The following APBA1 variants were observed in gnomAD, a reference collection of about 807,000 sequenced individuals.
APBA1 encodes the protein amyloid-beta A4 precursor protein-binding family A member 1.
APBA1 carries 55 observed loss-of-function variants against 86.6 expected under a neutral mutation model. That is an observed-to-expected ratio of 0.64 (90% confidence interval 0.51 to 0.80). The LOEUF is 0.80. Ranked by LOEUF, APBA1 falls within the 30% of genes least tolerant of loss-of-function variation. The pLI, the probability that APBA1 is intolerant of heterozygous loss-of-function variation, is 0.00. For missense variants in APBA1, 1,090 were observed against 1,183.0 expected (o/e 0.92, Z 1.15); for synonymous variants, 511 against 493.9 (o/e 1.03, Z -0.46).
intron 1 of APBA1, among the ~76,000 whole-genome samples, chr9:69,648,926 C>T (rs962802583): frequency 2.4e-4 from 36 of 152,168 alleles, no homozygotes; most frequent in African/African-American, 8.2e-4. Flanking sequence ...CGCTCCCAAA[C>T]GAGTCATTGT....
In APBA1 at chr9:69,467,927, T is replaced by A; in HGVS notation, c.1378A>T (p.Ile460Phe). 3.7e-6 allele frequency: 6 copies of A among 1,614,158 alleles called. No homozygotes were observed. The highest frequency in any genetic ancestry group is 5.1e-6 in the Non-Finnish European group (6 of 1,180,038). Residue 460 changes from isoleucine to phenylalanine, a missense_variant, in exon 5 of 13, where the codon ATT (isoleucine) becomes TTT (phenylalanine). Coordinates refer to ENST00000265381, the MANE Select transcript of APBA1 (RefSeq NM_001163.4). ...CDPEDLIDGIIFAANYLGSTQ... is the reference protein window; with the variant it reads ...CDPEDLIDGIFFAANYLGSTQ... ...GAGCCAAGGTAATTGGCGGCAAAAATGATTCCATCGATCAAGTCTTCGGGG... is the reference window on the plus strand; with the variant it reads ...GAGCCAAGGTAATTGGCGGCAAAAAAGATTCCATCGATCAAGTCTTCGGGG...
intron 1 of APBA1, among the ~76,000 whole-genome samples, chr9:69,666,125 T>C (rs930390255): frequency 6.6e-6 from 1 of 152,242 alleles, no homozygotes. Context: ...TACAGCCTTA[T>C]GGGCAAACAA....
At chr9:69,460,646 T>G (rs1835176180) in intron 5 of APBA1, 1 of 150,802 alleles carries the variant, frequency 6.6e-6, no homozygotes, top group African/African-American at 2.5e-5. Context: ...ATCACTGGAG[T>G]ACCCAAATTC....
chr9:69,504,868 T>C (rs1176338646), intron 2 of APBA1, among the ~76,000 whole-genome samples: 2 of 152,054 alleles, frequency 1.3e-5, no homozygotes, highest in Non-Finnish European at 2.9e-5. Context: ...AGGAGTCGCC[T>C]AGCTTCATGC....
intron 10 of APBA1, among the ~76,000 whole-genome samples, chr9:69,446,077 G>T (rs893295174): frequency 2.0e-5 from 3 of 152,198 alleles, no homozygotes; most frequent in African/African-American, 7.2e-5. Context: ...GCCTTGAAGT[G>T]GTCCAGATGC....
intron 1 of APBA1, among the ~76,000 whole-genome samples, chr9:69,598,370 A>T (rs1340720013): frequency 6.6e-6 from 1 of 152,152 alleles, no homozygotes; most frequent in Non-Finnish European, 1.5e-5. Flanking sequence ...CCAGCATGGC[A>T]CATGTATACA....
At chr9:69,494,896 CCTCA>C (rs1187967202) in intron 2 of APBA1, among the ~76,000 whole-genome samples, 1 of 152,128 alleles carries the variant, frequency 6.6e-6, no homozygotes, top group Non-Finnish European at 1.5e-5. Flanking sequence ...ATACTCATTA[CCTCA>C]CTGACTAGCA....
At chr9:69,636,933 A>C (rs1276751819) in intron 1 of APBA1, among the ~76,000 whole-genome samples, 5 of 140,812 alleles carry the variant, frequency 3.6e-5, no homozygotes, top group Admixed American at 7.2e-5. Context: ...GAAAGAAAGA[A>C]AGAAAGAAAG....
intron 1 of APBA1, among the ~76,000 whole-genome samples, chr9:69,610,011 G>T (rs2309515): frequency 0.54 from 81,378 of 151,964 alleles, 24,199 homozygotes; most frequent in East Asian, 0.85. Context: ...CTGATTATAA[G>T]GCCACCTTAA....
At chr9:69,490,982 T>C (rs1244270735) in intron 2 of APBA1, among the ~76,000 whole-genome samples, 2 of 151,994 alleles carry the variant, frequency 1.3e-5, no homozygotes, top group African/African-American at 2.4e-5. Context: ...TGTGGAGAAA[T>C]AGGAACACTC....
At chr9:69,453,927 C>A (rs2133811802) in intron 8 of APBA1, among the ~76,000 whole-genome samples, 1 of 152,326 alleles carries the variant, frequency 6.6e-6, no homozygotes. Context: ...CTGGGTAGAA[C>A]AGGATATGGA....
intron 1 of APBA1, among the ~76,000 whole-genome samples, chr9:69,658,703 C>A (rs1044280150): frequency 1.3e-5 from 2 of 152,002 alleles, no homozygotes; most frequent in Non-Finnish European, 2.9e-5. Context: ...CTGCACCTGT[C>A]CTCAAGTCCC....
At chr9:69,577,966 T>C (rs1258207955) in intron 1 of APBA1, among the ~76,000 whole-genome samples, 1 of 152,064 alleles carries the variant, frequency 6.6e-6, no homozygotes, top group Non-Finnish European at 1.5e-5. Flanking sequence ...AAGCCTATCA[T>C]CCCAAGGGAC....
intron 8 of APBA1, 83 bp from the exon 9 acceptor site, chr9:69,452,384 T>C: frequency 7.3e-7 from 1 of 1,361,936 alleles, no homozygotes; most frequent in Non-Finnish European, 1.0e-6. Flanking sequence ...ACCTGAACAA[T>C]GGCCCTCCTG....
intron 1 of APBA1, among the ~76,000 whole-genome samples, chr9:69,529,595 A>C (rs1199076681): frequency 6.6e-6 from 1 of 152,156 alleles, no homozygotes; most frequent in Non-Finnish European, 1.5e-5. Context: ...CTAGTTCACT[A>C]ATTTCATTTT....
intron 1 of APBA1, among the ~76,000 whole-genome samples, chr9:69,537,625 G>T (rs1836534286): frequency 6.6e-6 from 1 of 152,052 alleles, no homozygotes; most frequent in African/African-American, 2.4e-5. Context: ...GGGAAATGGG[G>T]CTTCCCTAAC....
At chr9:69,671,722 C>T (rs1588422291) in intron 1 of APBA1, among the ~76,000 whole-genome samples, 1 of 152,174 alleles carries the variant, frequency 6.6e-6, no homozygotes. Context: ...CCGTTTCCAT[C>T]ATCACATTCT....
chr9:69,500,512 A>G (rs550845726), intron 2 of APBA1, among the ~76,000 whole-genome samples: 1 of 152,264 alleles, frequency 6.6e-6, no homozygotes, highest in South Asian at 2.1e-4. Context: ...ATATTTACAT[A>G]CGATGGACAC....
upstream of APBA1, chr9:69,672,835 A>G (rs1823984146): frequency 6.6e-6 from 1 of 152,316 alleles, no homozygotes; most frequent in Non-Finnish European, 1.5e-5. Context: ...TTTCCTAGCC[A>G]GCAGCTGTGG....
Sources: gnomAD v4.1 joint callset for allele counts (sites outside exome capture counted in the v4.1 genomes callset) on GRCh38, gnomAD v4.1.1 for gene constraint, MANE v1.5 for transcripts, NCBI Gene and HGNC (gene_info 2026-07-23, HGNC 2026-07-21) for gene names.